The following GPATCH8 variants were observed in gnomAD, a reference collection of about 807,000 sequenced individuals.
GPATCH8 encodes the protein G patch domain-containing protein 8.
Under a neutral mutation model 118.3 loss-of-function variants are expected in GPATCH8, and 18 were observed. That is an observed-to-expected ratio of 0.15 (90% CI 0.11 to 0.23). The LOEUF is 0.23. Among genes scored for constraint, GPATCH8 ranks in the 10% least tolerant of loss-of-function variants. The pLI is 1.00. For missense variants in GPATCH8, 1,631 were observed against 1,873.8 expected (o/e 0.87, Z 2.39); for synonymous variants, 659 against 684.7 (o/e 0.96, Z 0.59).
At chr17:44,405,670 A>T in intron 7 of GPATCH8, among the ~76,000 whole-genome samples, 1 of 151,454 alleles carries the variant, frequency 6.6e-6, no homozygotes, top group East Asian at 1.9e-4. Context: ...ATGCCCGGCT[A>T]ATTTTTTGTA....
At chr17:44,427,419 G>A (rs2050129577) in intron 5 of GPATCH8, among the ~76,000 whole-genome samples, 1 of 151,938 alleles carries the variant, frequency 6.6e-6, no homozygotes. Context: ...AATAATAGAA[G>A]AAAACTCAGC....
chr17:44,397,372 G>A lies in GPATCH8; in HGVS notation c.*196C>T. ...GGAGGGACAAATTGAGAGGAGGACAGGAAAAAGAAATCCCTGATAGTAAAC... is the reference window on the plus strand; with the variant it reads ...GGAGGGACAAATTGAGAGGAGGACAAGAAAAAGAAATCCCTGATAGTAAAC... On this transcript the variant is annotated 3_prime_UTR_variant, in exon 8 of 8. Coordinates refer to ENST00000591680, the MANE Select transcript of GPATCH8 (RefSeq NM_001002909.4). 1 of 693,698 alleles carries A rather than the reference G, an allele frequency of 1.4e-6. No individual in the cohort carries two copies. Among genetic ancestry groups the A allele is most frequent in the Non-Finnish European group, 2.6e-6 (1 of 380,664 alleles). The allele number at this position is 693,698 out of a possible 1,614,324, so 43.0% of individuals were successfully genotyped here.
At chr17:44,440,663 C>T (rs987056694) in intron 3 of GPATCH8, among the ~76,000 whole-genome samples, 2 of 152,146 alleles carry the variant, frequency 1.3e-5, no homozygotes, top group Admixed American at 1.3e-4. Flanking sequence ...AATGTGAAGG[C>T]ATTATAACAT....
chr17:44,501,932 G>A (rs577010911), intron 1 of GPATCH8, among the ~76,000 whole-genome samples: 33 of 151,880 alleles, frequency 2.2e-4, no homozygotes, highest in Middle Eastern at 6.8e-3. Context: ...ATATATATAT[G>A]TGTGTATATA....
chr17:44,419,384 T>C (rs1180801670), intron 6 of GPATCH8, among the ~76,000 whole-genome samples: 1 of 152,348 alleles, frequency 6.6e-6, no homozygotes, highest in East Asian at 1.9e-4. Context: ...CATTTGTATG[T>C]TAAGTTCATG....
intron 1 of GPATCH8, among the ~76,000 whole-genome samples, chr17:44,500,084 T>G (rs1969949466): frequency 6.6e-6 from 1 of 152,168 alleles, no homozygotes; most frequent in African/African-American, 2.4e-5. Context: ...CTGTATCACC[T>G]TTCTAAAAGC....
At chr17:44,405,295 G>A (rs1310257030) in intron 7 of GPATCH8, among the ~76,000 whole-genome samples, 2 of 149,288 alleles carry the variant, frequency 1.3e-5, no homozygotes, top group African/African-American at 2.5e-5. Context: ...CACAACCTCC[G>A]CCTCCCAGGT....
At chr17:44,459,292 A>G (rs1185657632) in intron 3 of GPATCH8, among the ~76,000 whole-genome samples, 4 of 152,240 alleles carry the variant, frequency 2.6e-5, no homozygotes, top group Admixed American at 2.6e-4. Context: ...ATTATCTCTA[A>G]TTCAGTTAAA....
chr17:44,502,464 CAGAA>C (rs1476759636), intron 1 of GPATCH8, among the ~76,000 whole-genome samples: 2 of 151,438 alleles, frequency 1.3e-5, no homozygotes, highest in African/African-American at 4.9e-5. Context: ...ACAATTTCAA[CAGAA>C]AGGTATTTTC....
At chr17:44,485,612 C>G (rs553831028) in intron 1 of GPATCH8, among the ~76,000 whole-genome samples, 1 of 152,190 alleles carries the variant, frequency 6.6e-6, no homozygotes, top group African/African-American at 2.4e-5. Context: ...TTTTTAAAAG[C>G]AAATCTGGCC....
At chr17:44,419,951 A>T (rs1229219144) in intron 6 of GPATCH8, among the ~76,000 whole-genome samples, 1 of 152,152 alleles carries the variant, frequency 6.6e-6, no homozygotes, top group East Asian at 1.9e-4. Context: ...GAACAGCAGT[A>T]TGAAGAAAGG....
At chr17:44,500,320 T>G (rs1244328968) in intron 1 of GPATCH8, among the ~76,000 whole-genome samples, 1 of 152,198 alleles carries the variant, frequency 6.6e-6, no homozygotes, top group Admixed American at 6.6e-5. Flanking sequence ...TAACAGTACC[T>G]ACCTCGTAGG....
rs946788544 is a variant in GPATCH8, at chr17:44,395,364, A to G, written c.*2204T>C. On this transcript the variant is annotated 3_prime_UTR_variant, in exon 8 of 8. Coordinates refer to ENST00000591680, the MANE Select transcript of GPATCH8 (RefSeq NM_001002909.4). ...TCTCTATCATATGTGATAAAGTTAA[A>G]TACAATCTGTTATGCTTGTAAGTAA... is the stretch of plus-strand genomic sequence containing the variant. 31 of 448,124 alleles carry G rather than the reference A, an allele frequency of 6.9e-5. No homozygotes were observed. The highest frequency in any genetic ancestry group is 1.3e-4 in the Non-Finnish European group (29 of 224,820). The allele number at this position is 448,124 out of a possible 1,614,324, so 27.8% of individuals were successfully genotyped here. A position where few individuals can be genotyped will look rare whatever the true frequency, so the allele number is the denominator to read the frequency against.
intron 3 of GPATCH8, among the ~76,000 whole-genome samples, chr17:44,438,244 TG>T (rs1356211372): frequency 6.6e-6 from 1 of 152,222 alleles, no homozygotes; most frequent in Non-Finnish European, 1.5e-5. Flanking sequence ...GTATCTTTTT[TG>T]ATCTGTCAGA....
At chr17:44,455,404 G>C (rs2051290960) in intron 3 of GPATCH8, among the ~76,000 whole-genome samples, 1 of 152,014 alleles carries the variant, frequency 6.6e-6, no homozygotes, top group African/African-American at 2.4e-5. Flanking sequence ...GGGAGGCTGA[G>C]GCAGGAGAAT....
At chr17:44,425,274 C>G (rs1330982795) in intron 5 of GPATCH8, among the ~76,000 whole-genome samples, 1 of 152,102 alleles carries the variant, frequency 6.6e-6, no homozygotes, top group African/African-American at 2.4e-5. Flanking sequence ...TCATAATGAG[C>G]AACTCCTTCT....
At chr17:44,401,740 A>G (rs923772957) in intron 7 of GPATCH8, among the ~76,000 whole-genome samples, 1 of 152,188 alleles carries the variant, frequency 6.6e-6, no homozygotes, top group Non-Finnish European at 1.5e-5. Context: ...GTGGTGGCTC[A>G]TGCCTGTAAT....
intron 7 of GPATCH8, among the ~76,000 whole-genome samples, chr17:44,405,380 G>T (rs1164863195): frequency 6.6e-6 from 1 of 151,072 alleles, no homozygotes; most frequent in African/African-American, 2.4e-5. Flanking sequence ...GGCTAATTTT[G>T]TATTTTTAGT....
rs1342222156 is a variant in GPATCH8, at chr17:44,483,202, T to A, written c.46-8299A>T. Reference sequence around the variant, plus strand: ...ATATATATATATATATATATATATATATATATATATATATACAGCCTACCT... The same window carrying A: ...ATATATATATATATATATATATATAAATATATATATATATACAGCCTACCT... On this transcript the variant is annotated intron_variant, in intron 1 of 7. Coordinates refer to ENST00000591680, the MANE Select transcript of GPATCH8 (RefSeq NM_001002909.4). 3.1e-3 allele frequency among the ~76,000 whole-genome samples: 230 copies of A among 75,090 alleles called. 19 individuals carry two copies. Among genetic ancestry groups the A allele is most frequent in the Non-Finnish European group, 4.3e-3 (170 of 39,800 alleles). 49.3% of individuals were successfully genotyped at this position (75,090 alleles called of 152,430 possible).
Sources: allele counts gnomAD v4.1 joint callset (sites outside exome capture counted in the v4.1 genomes callset), GRCh38; gene constraint gnomAD v4.1.1; transcripts MANE v1.5; gene names NCBI Gene and HGNC (gene_info 2026-07-23, HGNC 2026-07-21).